Variants in SMYD3 observed in about 807,000 individuals in gnomAD.
SMYD3 encodes histone-lysine N-methyltransferase SMYD3.
Under a neutral mutation model 57.7 loss-of-function variants are expected in SMYD3, and 36 were observed. The observed-to-expected ratio is 0.62, with a 90% CI of 0.48 to 0.82. The LOEUF is 0.82. SMYD3 is among the 40% of genes least tolerant of loss of function. The pLI, the probability that SMYD3 is intolerant of heterozygous loss-of-function variation, is 0.00. For synonymous variants in SMYD3, 211 were observed against 195.0 expected (o/e 1.08, Z -0.68); for missense variants, 515 against 538.8 (o/e 0.96, Z 0.44).
chr1:246,462,885 GA>G (rs1189867408), intron 1 of SMYD3, among the ~76,000 whole-genome samples: 2 of 152,014 alleles, frequency 1.3e-5, no homozygotes, highest in Non-Finnish European at 1.5e-5. Flanking sequence ...AAAAAAGAAA[GA>G]AAAAAATGGT....
chr1:246,504,070 A>C (rs1214670293), intron 1 of SMYD3, among the ~76,000 whole-genome samples: 1 of 152,152 alleles, frequency 6.6e-6, no homozygotes, highest in African/African-American at 2.4e-5. Context: ...AAAAACCAGA[A>C]GCCATTCCTT....
intron 5 of SMYD3, among the ~76,000 whole-genome samples, chr1:246,234,461 C>T (rs1165742024): frequency 2.0e-5 from 3 of 148,432 alleles, no homozygotes; most frequent in Admixed American, 6.7e-5. Flanking sequence ...GTACTCCTTC[C>T]GTTAACACCA....
At chr1:245,823,130 T>C (rs531163638) in intron 10 of SMYD3, among the ~76,000 whole-genome samples, 25 of 152,302 alleles carry the variant, frequency 1.6e-4, no homozygotes, top group East Asian at 1.4e-3. Flanking sequence ...ATAGAGGCCA[T>C]TGGCTTCAGA....
At chr1:245,870,179 A>G (rs900070631) in intron 8 of SMYD3, among the ~76,000 whole-genome samples, 8 of 152,200 alleles carry the variant, frequency 5.3e-5, no homozygotes, top group Non-Finnish European at 7.4e-5. Flanking sequence ...CCACCACAAC[A>G]AAGAGAATCC....
intron 5 of SMYD3, among the ~76,000 whole-genome samples, chr1:246,240,126 T>G (rs1245828449): frequency 6.6e-6 from 1 of 152,200 alleles, no homozygotes; most frequent in East Asian, 1.9e-4. Flanking sequence ...TGGCTTTTGT[T>G]TCCATTGCTT....
intron 5 of SMYD3, among the ~76,000 whole-genome samples, chr1:246,150,706 C>T (rs3845513): frequency 0.05 from 7,679 of 152,178 alleles, 250 homozygotes; most frequent in Middle Eastern, 0.068. Context: ...CTGGCCCAGC[C>T]GTGGAAGTCC....
intron 10 of SMYD3, among the ~76,000 whole-genome samples, chr1:245,816,109 A>G (rs2048787975): frequency 1.3e-5 from 2 of 152,230 alleles, no homozygotes; most frequent in African/African-American, 2.4e-5. Flanking sequence ...AATGTATTCA[A>G]TGAAGCTTCT....
chr1:245,927,978 G>C lies in SMYD3; in HGVS notation c.655C>G (p.Pro219Ala), dbSNP rs11544848. 6.2e-7 allele frequency: 1 copy of C among 1,613,052 alleles called. No individual in the cohort carries two copies. The highest frequency in any genetic ancestry group is 1.7e-5 in the Admixed American group (1 of 59,976). The change falls in exon 7 of 12, where the codon CCC becomes GCC. Residue 219 changes from proline (P) to alanine (A), a missense_variant. Coordinates refer to ENST00000490107, the MANE Select transcript of SMYD3 (RefSeq NM_001167740.2). ...CGGACTGCTCGCAGTAAGAGGTGGG[G>C]CCCATTGAACACAATCGAACAGTTG... ...DPNCSIVFNG[P>A]HLLLRAVRDI...
chr1:245,767,733 C>T (rs895527426), intron 10 of SMYD3, among the ~76,000 whole-genome samples: 4 of 152,194 alleles, frequency 2.6e-5, no homozygotes, highest in African/African-American at 9.6e-5. Flanking sequence ...CAAGGCCAGG[C>T]TGTGCAGAGG....
chr1:246,464,713 TCA>T (rs1491350984), intron 1 of SMYD3, among the ~76,000 whole-genome samples: 1 of 152,224 alleles, frequency 6.6e-6, no homozygotes, highest in African/African-American at 2.4e-5. Context: ...CTCTAAATTC[TCA>T]GTTTTCTGGC....
At chr1:245,831,198 A>T (rs2049811582) in intron 10 of SMYD3, among the ~76,000 whole-genome samples, 1 of 152,194 alleles carries the variant, frequency 6.6e-6, no homozygotes, top group Admixed American at 6.5e-5. Context: ...TCTTACTGAG[A>T]CTAATAAATT....
intron 5 of SMYD3, among the ~76,000 whole-genome samples, chr1:245,948,140 T>C (rs970789229): frequency 6.6e-6 from 1 of 152,156 alleles, no homozygotes; most frequent in Non-Finnish European, 1.5e-5. Flanking sequence ...TGGCCTGTCT[T>C]CAGCAAGAAT....
At chr1:246,157,431 G>A (rs2062038898) in intron 5 of SMYD3, among the ~76,000 whole-genome samples, 1 of 152,134 alleles carries the variant, frequency 6.6e-6, no homozygotes. Context: ...GCTTCCCAAA[G>A]ACAGGCTCTC....
chr1:246,279,453 G>A (rs1359198953), intron 5 of SMYD3, among the ~76,000 whole-genome samples: 3 of 152,042 alleles, frequency 2.0e-5, no homozygotes, highest in South Asian at 2.1e-4. Flanking sequence ...CCCGGGAGGC[G>A]GAGGTTGCAA....
intron 5 of SMYD3, among the ~76,000 whole-genome samples, chr1:245,963,094 GAA>G (rs2058051302): frequency 6.6e-6 from 1 of 152,140 alleles, no homozygotes; most frequent in African/African-American, 2.4e-5. Context: ...AAGAAGCTTA[GAA>G]GTCACCATTC....
intron 5 of SMYD3, among the ~76,000 whole-genome samples, chr1:246,320,754 TA>T (rs35100557): frequency 2.0e-5 from 3 of 152,168 alleles, no homozygotes; most frequent in African/African-American, 4.8e-5. Context: ...TTTATGTGCA[TA>T]AAAAAAATCT....
chr1:245,774,966 G>A (rs3000196), intron 10 of SMYD3, among the ~76,000 whole-genome samples: 1 of 152,112 alleles, frequency 6.6e-6, no homozygotes, highest in African/African-American at 2.4e-5. Flanking sequence ...GCCTCCCGGA[G>A]GTGCAGGGAT....
chr1:245,898,583 A>C lies in SMYD3; in HGVS notation c.813+16947T>G, dbSNP rs1208367004. 3.3e-5 allele frequency among the ~76,000 whole-genome samples: 5 copies of C among 152,346 alleles called. No individual in the cohort carries two copies. The East Asian group carries it at 7.7e-4, about 23-fold the overall frequency. ...TAGTGGCATCTGAGAGAGTTTACCT[A>C]AAACAGTGTGTGCCAAGGATGAAAA... On this transcript the variant is annotated intron_variant, in intron 8 of 11. Transcript: ENST00000490107.
chr1:246,033,050 G>A (rs2059706544), intron 5 of SMYD3, among the ~76,000 whole-genome samples: 1 of 152,156 alleles, frequency 6.6e-6, no homozygotes, highest in African/African-American at 2.4e-5. Flanking sequence ...GCATTCCTGA[G>A]CATTTATCCC....
Sources: gnomAD v4.1 joint callset for allele counts (sites outside exome capture counted in the v4.1 genomes callset) on GRCh38, gnomAD v4.1.1 for gene constraint, MANE v1.5 for transcripts, NCBI Gene and HGNC (gene_info 2026-07-23, HGNC 2026-07-21) for gene names.